Variants in DLG2 observed in about 807,000 individuals in gnomAD.
The protein encoded by DLG2 is discs large MAGUK scaffold protein 2.
In DLG2, 45 loss-of-function variants were observed where a neutral mutation model predicts 132.5. That is an observed-to-expected ratio of 0.34 (90% CI 0.27 to 0.44). DLG2 has a LOEUF of 0.44. Ranked by LOEUF, DLG2 falls within the 20% of genes least tolerant of loss-of-function variation. The pLI, the probability that DLG2 is intolerant of heterozygous loss-of-function variation, is 1.00. For synonymous variants in DLG2, 424 were observed against 419.6 expected, an observed-to-expected ratio of 1.01 and a Z score of -0.13; for missense variants, 1,045 against 1,196.9, an observed-to-expected ratio of 0.87 and a Z score of 1.87.
rs556197568 is a variant in DLG2 at position 84,162,228 on chromosome 11, A to T, written c.624+1233T>A. 3.3e-5 allele frequency among the ~76,000 whole-genome samples: 5 copies of T among 152,214 alleles called. No individual in the cohort carries two copies. The South Asian group carries it at 1.0e-3, about 32-fold the overall frequency. ...AATATAAGCAAGAAGGATAAACTAA[A>T]CATTACCCCAAAATCCTTAACAGGA... On this transcript the variant is annotated intron_variant, in intron 9 of 27. Coordinates refer to ENST00000376104, the MANE Select transcript of DLG2 (RefSeq NM_001142699.3).
At chr11:85,330,792 T>TAAAAAAAAAA (rs56995757) in intron 3 of DLG2, among the ~76,000 whole-genome samples, 7 of 116,480 alleles carry the variant, frequency 6.0e-5, no homozygotes, top group Admixed American at 9.2e-5. Context: ...AAAAAAAAAT[T>TAAAAAAAAAA]AAAAAAAAAA....
At chr11:85,395,336 T>C (rs1390636269) in intron 3 of DLG2, among the ~76,000 whole-genome samples, 2 of 152,076 alleles carry the variant, frequency 1.3e-5, no homozygotes, top group Non-Finnish European at 1.5e-5. Flanking sequence ...CCCAGCAATA[T>C]CGAGGCAGAA....
At chr11:83,623,992 G>A (rs982304433) in intron 19 of DLG2, among the ~76,000 whole-genome samples, 16 of 152,304 alleles carry the variant, frequency 1.1e-4, no homozygotes, top group African/African-American at 3.6e-4. Context: ...TACCTCCTGC[G>A]GAGATGAGAG....
chr11:85,462,604 G>C (rs1226469617), intron 3 of DLG2, among the ~76,000 whole-genome samples: 1 of 151,622 alleles, frequency 6.6e-6, no homozygotes, highest in Non-Finnish European at 1.5e-5. Context: ...TGAACAATGA[G>C]AACACATGGA....
At chr11:85,432,327 A>C (rs1460452801) in intron 3 of DLG2, among the ~76,000 whole-genome samples, 1 of 152,182 alleles carries the variant, frequency 6.6e-6, no homozygotes, top group Non-Finnish European at 1.5e-5. Flanking sequence ...AGGATGAGAT[A>C]GATGAATTGA....
intron 5 of DLG2, among the ~76,000 whole-genome samples, chr11:85,125,735 G>C (rs1447073327): frequency 6.6e-6 from 1 of 151,654 alleles, no homozygotes; most frequent in Non-Finnish European, 1.5e-5. Flanking sequence ...AGATATGAAG[G>C]ATCACCAGGT....
At chr11:83,595,976 C>A (rs748833604) in intron 19 of DLG2, among the ~76,000 whole-genome samples, 7 of 152,156 alleles carry the variant, frequency 4.6e-5, no homozygotes, top group Non-Finnish European at 1.0e-4. Context: ...GAAACTTATA[C>A]AACCCTTAAA....
chr11:84,129,252 G>A (rs1420079688), intron 9 of DLG2, among the ~76,000 whole-genome samples: 1 of 152,124 alleles, frequency 6.6e-6, no homozygotes, highest in Non-Finnish European at 1.5e-5. Context: ...GATGGCATAT[G>A]TCCAAAGGGT....
intron 14 of DLG2, among the ~76,000 whole-genome samples, chr11:83,944,735 A>C (rs937425968): frequency 6.6e-6 from 1 of 152,212 alleles, no homozygotes; most frequent in Admixed American, 6.5e-5. Context: ...CAGGCAACAA[A>C]ACTGCTAGAG....
intron 17 of DLG2, among the ~76,000 whole-genome samples, chr11:83,795,276 C>T (rs569491895): frequency 1.3e-5 from 2 of 152,086 alleles, no homozygotes; most frequent in South Asian, 4.2e-4. Flanking sequence ...GGTGTGGTGG[C>T]AGTCACCTGT....
chr11:85,362,233 G>A (rs759188712), intron 3 of DLG2, among the ~76,000 whole-genome samples: 12 of 152,142 alleles, frequency 7.9e-5, no homozygotes, highest in South Asian at 6.2e-4. Flanking sequence ...GGAATTATAC[G>A]CATAAGCTAT....
At chr11:83,585,217 T>G (rs1037301224) in intron 19 of DLG2, among the ~76,000 whole-genome samples, 1 of 152,214 alleles carries the variant, frequency 6.6e-6, no homozygotes, top group African/African-American at 2.4e-5. Context: ...CTTTAAATGA[T>G]AATATAAATG....
intron 3 of DLG2, among the ~76,000 whole-genome samples, chr11:85,333,770 G>A (rs1389227064): frequency 6.6e-6 from 1 of 152,154 alleles, no homozygotes; most frequent in East Asian, 1.9e-4. Context: ...GCATCCCAGG[G>A]ATAAAGCCTA....
chr11:84,577,381 T>G (rs560971233), intron 6 of DLG2, among the ~76,000 whole-genome samples: 2 of 152,242 alleles, frequency 1.3e-5, no homozygotes, highest in East Asian at 3.9e-4. Flanking sequence ...GTGGGAAAGT[T>G]TGGAACTTCC....
intron 7 of DLG2, among the ~76,000 whole-genome samples, chr11:84,362,386 T>A (rs2098654671): frequency 6.6e-6 from 1 of 152,012 alleles, no homozygotes; most frequent in South Asian, 2.1e-4. Context: ...AACAGCTGCT[T>A]TTTTAAAAAT....
chr11:83,895,145 C>CTTTTTTTTTTTTTTT (rs11287512), intron 15 of DLG2, among the ~76,000 whole-genome samples: 16 of 87,912 alleles, frequency 1.8e-4, no homozygotes, highest in African/African-American at 8.0e-4. Flanking sequence ...GAACTACTGT[C>CTTTTTTTTTTTTTTT]TTTTTTTTTT....
intron 7 of DLG2, among the ~76,000 whole-genome samples, chr11:84,368,462 G>A (rs1331710161): frequency 2.6e-5 from 4 of 152,072 alleles, no homozygotes; most frequent in Non-Finnish European, 5.9e-5. Flanking sequence ...AAAATAGCAT[G>A]TGCTCAAACC....
intron 3 of DLG2, among the ~76,000 whole-genome samples, chr11:85,332,070 A>C (rs996784941): frequency 8.5e-5 from 13 of 152,208 alleles, no homozygotes; most frequent in African/African-American, 2.9e-4. Flanking sequence ...GAACTAATTT[A>C]TACTCACACC....
At chr11:85,420,035 CT>C (rs2152993464) in intron 3 of DLG2, among the ~76,000 whole-genome samples, 1 of 152,312 alleles carries the variant, frequency 6.6e-6, no homozygotes, top group African/African-American at 2.4e-5. Flanking sequence ...GAATTTTCAG[CT>C]TTTTTGTGCT....
Sources: allele counts gnomAD v4.1 joint callset (sites outside exome capture counted in the v4.1 genomes callset), GRCh38; gene constraint gnomAD v4.1.1; transcripts MANE v1.5; gene names NCBI Gene and HGNC (gene_info 2026-07-23, HGNC 2026-07-21).